Variants in PON1 observed in about 807,000 individuals in gnomAD.
PON1 encodes the protein paraoxonase 1, also known as serum paraoxonase/arylesterase 1.
Under a neutral mutation model 39.2 loss-of-function variants are expected in PON1, and 37 were observed. The ratio of observed to expected loss-of-function variants is 0.94; its 90% CI spans 0.73 to 1.24. The LOEUF (loss-of-function observed/expected upper bound fraction) is 1.24, where lower values mean the gene tolerates loss of function less well. Ranked by LOEUF, PON1 falls within the 50% of genes most tolerant of loss-of-function variation. The pLI, the probability that PON1 is intolerant of heterozygous loss-of-function variation, is 0.00. For missense variants in PON1, 397 were observed against 413.5 expected (o/e 0.96, Z 0.35); for synonymous variants, 148 against 152.2 (o/e 0.97, Z 0.21).
chr7:95,320,743 T>G (rs854569), intron 1 of PON1, among the ~76,000 whole-genome samples: 96,163 of 152,058 alleles, frequency 0.63, 33,513 homozygotes, highest in Non-Finnish European at 0.78. Context: ...ACTCATATTT[T>G]TTCTACCTCA....
chr7:95,319,216 T>C (rs1476445697), intron 1 of PON1, among the ~76,000 whole-genome samples: 2 of 151,386 alleles, frequency 1.3e-5, no homozygotes, highest in African/African-American at 4.9e-5. Context: ...AGAAATCTTA[T>C]TTGGCTTCAG....
intron 5 of PON1, among the ~76,000 whole-genome samples, chr7:95,309,316 A>C (rs891197554): frequency 7.3e-6 from 1 of 136,820 alleles, no homozygotes; most frequent in Non-Finnish European, 1.5e-5. Context: ...TACAACATGA[A>C]AAAAAAAAAA....
At chr7:95,313,620 G>A (rs146500964) in intron 4 of PON1, among the ~76,000 whole-genome samples, 1 of 33,810 alleles carries the variant, frequency 3.0e-5, no homozygotes, top group East Asian at 9.3e-4. Context: ...ATATGTATAT[G>A]TGTGTGTGTG....
At chr7:95,303,389 C>T (rs573908491) in intron 7 of PON1, among the ~76,000 whole-genome samples, 2 of 152,310 alleles carry the variant, frequency 1.3e-5, no homozygotes, top group South Asian at 4.1e-4. Context: ...CTGTCCATCC[C>T]AGTGTCAGCA....
At chr7:95,313,604 G>A (rs1807700990) in intron 4 of PON1, among the ~76,000 whole-genome samples, 1 of 136,350 alleles carries the variant, frequency 7.3e-6, no homozygotes, top group Admixed American at 8.0e-5. Flanking sequence ...CCATTGAAAG[G>A]GATATATATG....
chr7:95,311,970 G>A (rs956431324), intron 4 of PON1, among the ~76,000 whole-genome samples: 1 of 152,212 alleles, frequency 6.6e-6, no homozygotes. Context: ...AATTTACACA[G>A]TGTGAGATGA....
In PON1 at chr7:95,315,392, C is replaced by G. The variant is rs532844853; in HGVS notation, c.300G>C (p.Leu100Phe). ...LNEEDPTVLE[L>F]GITGSKFDVS... ...CATCAAATTTACTTCCAGTGATCCC[C>G]AATTCCAACACTGTTGGATCTTCTT... Residue 100 changes from leucine to phenylalanine, a missense_variant, in exon 4 of 9, where the codon TTG becomes TTC. By Grantham distance (22) the Leu-to-Phe change is conservative (BLOSUM62 0). Transcript: ENST00000222381. The G allele has an allele frequency of 1.3e-5, 21 of 1,613,478 alleles. No individual in the cohort carries two copies. The South Asian group carries it at 2.2e-4, about 17-fold the overall frequency.
At chr7:95,318,797 G>A (rs950111131) in intron 1 of PON1, among the ~76,000 whole-genome samples, 5 of 152,174 alleles carry the variant, frequency 3.3e-5, no homozygotes, top group African/African-American at 1.2e-4. Context: ...TGCCCAATCT[G>A]ACTCCGCAGC....
At chr7:95,305,432 GT>G (rs923756149) in intron 7 of PON1, among the ~76,000 whole-genome samples, 1 of 152,160 alleles carries the variant, frequency 6.6e-6, no homozygotes, top group African/African-American at 2.4e-5. Context: ...ACAAGTATTT[GT>G]TAAGTGCCAA....
In PON1 at chr7:95,311,521, A is replaced by T; in HGVS notation, c.427T>A (p.Leu143Met). The change falls in exon 5 of 9, where the codon TTG (leucine) becomes ATG (methionine). Residue 143 changes from leucine (L) to methionine (M), a missense_variant. Coordinates refer to ENST00000222381, the MANE Select transcript of PON1 (RefSeq NM_000446.7). ...NHPDAKSTVELFKFQEEEKSL... is the reference protein window; with the variant it reads ...NHPDAKSTVEMFKFQEEEKSL... Reference sequence around the variant, plus strand: ...TTTTCTTCTTCTTGAAATTTAAACAACTCCACTGTGGACTTGGCATCTGGA... The same window carrying T: ...TTTTCTTCTTCTTGAAATTTAAACATCTCCACTGTGGACTTGGCATCTGGA... 1 of 1,613,916 alleles carries T rather than the reference A, an allele frequency of 6.2e-7. No homozygotes were observed.
chr7:95,308,473 G>A (rs912911667), intron 5 of PON1, among the ~76,000 whole-genome samples: 3 of 117,240 alleles, frequency 2.6e-5, no homozygotes, highest in South Asian at 2.8e-4. Context: ...ATAGTGTTAC[G>A]TCGTGTGTGT....
Position 95,308,228 on chromosome 7 carries a change from C to T in PON1, c.498-17G>A. Reference sequence around the variant, plus strand: ...TCATTCAAACTGCAATTAAAACATACACACATAATATATAAGGTGAAGGTA... The same window carrying T: ...TCATTCAAACTGCAATTAAAACATATACACATAATATATAAGGTGAAGGTA... On this transcript the variant is annotated splice_polypyrimidine_tract_variant and intron_variant, in intron 5 of 8. Transcript: ENST00000222381. 1.2e-6 allele frequency: 2 copies of T among 1,603,704 alleles called. No individual in the cohort carries two copies. Among genetic ancestry groups the T allele is most frequent in the Non-Finnish European group, 1.7e-6 (2 of 1,170,884 alleles).
In PON1 at chr7:95,302,314, A is replaced by G; in HGVS notation, c.800T>C (p.Leu267Pro). The G allele has an allele frequency of 6.2e-7, 1 of 1,607,822 alleles. No individual in the cohort carries two copies. ...AGGATCCACAGATATGTTATCCACG[A>G]GGGTATTAAAGTCAAGGGACTTAAA... is the stretch of plus-strand genomic sequence containing the variant. ...TPLKSLDFNTLVDNISVDPET... is the reference protein window; with the variant it reads ...TPLKSLDFNTPVDNISVDPET... The change falls in exon 8 of 9, where the codon CTC (leucine) becomes CCC (proline). Residue 267 changes from leucine to proline, a missense_variant. Transcript: ENST00000222381.
intron 8 of PON1, among the ~76,000 whole-genome samples, chr7:95,301,470 T>C (rs1189889070): frequency 6.6e-6 from 1 of 152,104 alleles, no homozygotes; most frequent in Admixed American, 6.5e-5. Context: ...TATGGCATCA[T>C]TATGTTCTTT....
chr7:95,324,277 G>C lies in PON1; in HGVS notation c.74+125C>G. 6.0e-6 allele frequency: 5 copies of C among 837,966 alleles called. No individual in the cohort carries two copies. In the South Asian group the frequency reaches 7.1e-5, roughly 12 times the overall value. The allele number at this position is 837,966 out of a possible 1,614,324, so 51.9% of individuals were successfully genotyped here. ...CAAACATTTATGAAACCCCCGCAGA[G>C]TGTGCATCTAGCACCTGCTTGTAAA... On this transcript the variant is annotated intron_variant, in intron 1 of 8. Transcript: ENST00000222381.
At chr7:95,300,868 G>A (rs1354077437) in intron 8 of PON1, among the ~76,000 whole-genome samples, 2 of 152,094 alleles carry the variant, frequency 1.3e-5, no homozygotes, top group African/African-American at 4.8e-5. Flanking sequence ...AACCCTAATA[G>A]CTAAAAACTA....
chr7:95,323,281 T>A (rs989559268), intron 1 of PON1, among the ~76,000 whole-genome samples: 21 of 152,166 alleles, frequency 1.4e-4, no homozygotes, highest in African/African-American at 4.3e-4. Context: ...TATCTATATA[T>A]TTTTATCTAT....
chr7:95,306,157 A>T, intron 7 of PON1, 128 bp downstream of exon 7: 1 of 788,554 alleles, frequency 1.3e-6, no homozygotes, highest in Non-Finnish European at 2.2e-6. Context: ...AATGACTCTT[A>T]ATAAAGGAGT....
At chr7:95,311,619 TCTCA>T in intron 4 of PON1, 42 bp from the exon 5 acceptor site, 1 of 1,612,530 alleles carries the variant, frequency 6.2e-7, no homozygotes, top group Non-Finnish European at 8.5e-7. Flanking sequence ...TTAACTAAGC[TCTCA>T]CTGTCAGCCC....
Sources: gnomAD v4.1 joint callset for allele counts (sites outside exome capture counted in the v4.1 genomes callset) on GRCh38, gnomAD v4.1.1 for gene constraint, MANE v1.5 for transcripts, NCBI Gene and HGNC (gene_info 2026-07-23, HGNC 2026-07-21) for gene names.